The following SPATA22 variants were observed in gnomAD, a reference collection of about 807,000 sequenced individuals.
SPATA22 encodes the protein spermatogenesis associated 22.
SPATA22 carries 29 observed loss-of-function variants against 47.8 expected under a neutral mutation model. The ratio of observed to expected loss-of-function variants is 0.61; its 90% CI spans 0.45 to 0.83. The LOEUF is 0.83. Ranked by LOEUF, SPATA22 falls within the 40% of genes least tolerant of loss-of-function variation. SPATA22 has a pLI of 0.00. For missense variants in SPATA22, 410 were observed against 421.7 expected, an observed-to-expected ratio of 0.97 and a Z score of 0.24; for synonymous variants, 133 against 140.9, an observed-to-expected ratio of 0.94 and a Z score of 0.40.
At chr17:3,441,576 T>C (rs2072598566) in intron 8 of SPATA22, 1 of 152,022 alleles carries the variant, frequency 6.6e-6, no homozygotes, top group African/African-American at 2.4e-5. Flanking sequence ...ATTGACACAA[T>C]CCTTTGAAAA....
rs1217243652 is a variant in SPATA22 at position 3,485,954 on chromosome 17, C to T, written c.-73-16556G>A. On this transcript the variant is annotated intron_variant, in intron 1 of 8. Transcript: ENST00000541913. The surrounding 1 kb of genome is among the most constrained non-coding windows in gnomAD (Gnocchi z 4.4). ...GGAACCTTTTTTTTTTTTTTTGAGA[C>T]GGAGTTTCGCTCTTGTTGCCAAGGC... 5.2e-5 allele frequency among the ~76,000 whole-genome samples: 7 copies of T among 135,856 alleles called. No homozygotes were observed. Among genetic ancestry groups the T allele is most frequent in the South Asian group, 2.3e-4 (1 of 4,306 alleles). The allele number at this position is 135,856 out of a possible 152,430, so 89.1% of individuals were successfully genotyped here.
chr17:3,507,305 T>C (rs2074049760), intron 1 of SPATA22, among the ~76,000 whole-genome samples: 1 of 152,170 alleles, frequency 6.6e-6, no homozygotes, highest in Admixed American at 6.5e-5. Context: ...GCTATAAACA[T>C]TAAATGAGAC....
Position 3,506,071 on chromosome 17 carries a change from C to G in SPATA22, c.-74+7341G>C, listed in dbSNP as rs138871125. 4.6e-3 allele frequency among the ~76,000 whole-genome samples: 697 copies of G among 152,210 alleles called. 10 individuals are homozygous for G. The East Asian group carries it at 0.05, about 11-fold the overall frequency. On this transcript the variant is annotated intron_variant, in intron 1 of 8. Coordinates refer to the SPATA22 transcript ENST00000541913. The stretch of plus-strand genomic sequence containing the variant: ...CCATGCCCGGCTGCTTTTCTAATAT[C>G]TCTATACTTCCCACACATACTGCCT...
intron 3 of SPATA22, 44 bp downstream of exon 3, chr17:3,467,382 A>C: frequency 7.0e-7 from 1 of 1,431,978 alleles, no homozygotes; most frequent in South Asian, 1.3e-5. Flanking sequence ...CTATAATCCT[A>C]GTTTTGTATT....
intron 2 of SPATA22, chr17:3,468,884 C>CGTCT: frequency 1.1e-6 from 1 of 950,338 alleles, no homozygotes. Flanking sequence ...TCATCCTTGC[C>CGTCT]ATCTGTCTTT....
intron 5 of SPATA22, among the ~76,000 whole-genome samples, chr17:3,458,833 G>A (rs1193263613): frequency 1.5e-5 from 1 of 67,266 alleles, no homozygotes. Context: ...GCCACTGCCT[G>A]GGCAACAAGA....
At chr17:3,483,619 C>T (rs772514277) in intron 1 of SPATA22, 3 of 1,558,276 alleles carry the variant, frequency 1.9e-6, no homozygotes, top group South Asian at 2.2e-5. Flanking sequence ...ACTGTCATAA[C>T]TCAATAAAAT....
At chr17:3,498,100 A>G (rs982223519) in intron 1 of SPATA22, among the ~76,000 whole-genome samples, 1 of 152,124 alleles carries the variant, frequency 6.6e-6, no homozygotes, top group Non-Finnish European at 1.5e-5. Flanking sequence ...TCTCTCACCA[A>G]TCCCCGTCAG....
In SPATA22 at chr17:3,485,305, T is replaced by C. The variant is rs1002132279; in HGVS notation, c.-73-15907A>G. Among the ~76,000 whole-genome samples, 1 of 152,140 alleles carries C rather than the reference T, an allele frequency of 6.6e-6. No homozygotes were observed. Among genetic ancestry groups the C allele is most frequent in the African/African-American group, 2.4e-5 (1 of 41,436 alleles). On this transcript the variant is annotated intron_variant, in intron 1 of 8. Coordinates refer to the SPATA22 transcript ENST00000541913. This position sits in a 1 kb window ranked among gnomAD's most constrained non-coding sequence, Gnocchi z 4.4. Reference sequence around the variant, plus strand: ...GATTACAAGCGTGAGCCACCACACCTGTACCTCATTCACAGTTTTAATCAC... The same window carrying C: ...GATTACAAGCGTGAGCCACCACACCCGTACCTCATTCACAGTTTTAATCAC...
intron 1 of SPATA22, chr17:3,511,070 G>A (rs952105086): frequency 6.6e-6 from 1 of 152,236 alleles, no homozygotes; most frequent in Non-Finnish European, 1.5e-5. Flanking sequence ...CCCATCCCTG[G>A]AAAACACCTT....
Position 3,496,660 on chromosome 17 carries a change from C to T in SPATA22, c.-74+16752G>A, listed in dbSNP as rs1023003016. On this transcript the variant is annotated intron_variant, in intron 1 of 8. Transcript: ENST00000541913. ...GAATGACAGTTCTTACTAAGGGATG[C>T]TAACTGGAATCACGTAGGGGACCCC... Among the ~76,000 whole-genome samples, 8 of 152,162 alleles carry T rather than the reference C, an allele frequency of 5.3e-5. No homozygotes were observed. The East Asian group carries it at 1.5e-3, about 29-fold the overall frequency.
intron 8 of SPATA22, chr17:3,441,146 A>G (rs1243726531): frequency 2.6e-5 from 4 of 152,108 alleles, no homozygotes; most frequent in African/African-American, 9.7e-5. Flanking sequence ...AGCACTAATT[A>G]TAAGGGGAAA....
At chr17:3,507,456 G>T (rs2074051204) in intron 1 of SPATA22, among the ~76,000 whole-genome samples, 1 of 152,118 alleles carries the variant, frequency 6.6e-6, no homozygotes, top group African/African-American at 2.4e-5. Flanking sequence ...TTGTTGAATT[G>T]GTTCTAAATC....
chr17:3,505,910 A>G (rs2074037048), intron 1 of SPATA22, among the ~76,000 whole-genome samples: 1 of 152,094 alleles, frequency 6.6e-6, no homozygotes, highest in Non-Finnish European at 1.5e-5. Flanking sequence ...GGCATGCGCC[A>G]GCAAGCCTGG....
chr17:3,504,252 G>C (rs1011123985), intron 1 of SPATA22, among the ~76,000 whole-genome samples: 9 of 152,122 alleles, frequency 5.9e-5, no homozygotes, highest in Non-Finnish European at 1.2e-4. Flanking sequence ...CATCTTGAGG[G>C]CATCAGCAGT....
intron 1 of SPATA22, among the ~76,000 whole-genome samples, chr17:3,484,312 G>A (rs1250432062): frequency 6.6e-6 from 1 of 152,194 alleles, no homozygotes; most frequent in Non-Finnish European, 1.5e-5. Context: ...ACAGAACAAT[G>A]AGCAAGACAC....
upstream of SPATA22, chr17:3,472,033 G>T: frequency 4.4e-6 from 1 of 228,328 alleles, no homozygotes; most frequent in Non-Finnish European, 7.2e-6. Context: ...GAGAGACAGA[G>T]GCAGATCTCC....
Position 3,485,476 on chromosome 17 carries a change from G to A in SPATA22, c.-73-16078C>T, listed in dbSNP as rs2073702617. Reference sequence around the variant, plus strand: ...TGCAGTGAGCCGAGATCATGCCATTGCACTCCAGCCGGGGCAACAAAAGTG... The same window carrying A: ...TGCAGTGAGCCGAGATCATGCCATTACACTCCAGCCGGGGCAACAAAAGTG... On this transcript the variant is annotated intron_variant, in intron 1 of 8. Transcript: ENST00000541913. The surrounding 1 kb of genome is among the most constrained non-coding windows in gnomAD (Gnocchi z 4.4). Among the ~76,000 whole-genome samples the A allele has an allele frequency of 6.6e-6, 1 of 152,166 alleles. No individual in the cohort carries two copies. The highest frequency in any genetic ancestry group is 1.5e-5 in the Non-Finnish European group (1 of 68,026).
chr17:3,471,469 G>A (rs553170539), intron 1 of SPATA22: 14 of 985,298 alleles, frequency 1.4e-5, no homozygotes, highest in Non-Finnish European at 1.7e-5. Flanking sequence ...AGTGGCGTTA[G>A]TAATGGGGTT....
Sources: gnomAD v4.1 joint callset for allele counts (sites outside exome capture counted in the v4.1 genomes callset) on GRCh38, gnomAD v4.1.1 for gene constraint, Gnocchi (gnomAD v3.1) non-coding constraint, MANE v1.5 for transcripts, NCBI Gene and HGNC (gene_info 2026-07-23, HGNC 2026-07-21) for gene names.